Variants in PPP4R1 observed in about 807,000 individuals in gnomAD.
PPP4R1 encodes the protein serine/threonine-protein phosphatase 4 regulatory subunit 1.
In PPP4R1, 42 loss-of-function variants were observed where a neutral mutation model predicts 111.2. That is an observed-to-expected ratio of 0.38 (90% CI 0.29 to 0.49). The LOEUF (loss-of-function observed/expected upper bound fraction) is 0.49, where lower values mean the gene tolerates loss of function less well. Among genes scored for constraint, PPP4R1 ranks in the 20% least tolerant of loss-of-function variants. The pLI is 0.97. For synonymous variants in PPP4R1, 409 were observed against 405.5 expected, an observed-to-expected ratio of 1.01 and a Z score of -0.10; for missense variants, 1,012 against 1,161.6, an observed-to-expected ratio of 0.87 and a Z score of 1.87.
At chr18:9,605,610 GAATCA>G (rs1004977781) in intron 2 of PPP4R1, among the ~76,000 whole-genome samples, 2 of 120,768 alleles carry the variant, frequency 1.7e-5, no homozygotes, top group African/African-American at 6.2e-5. Context: ...AGAATAACCT[GAATCA>G]AATCATGAGG....
chr18:9,595,364 T>G (rs946821384), intron 2 of PPP4R1, among the ~76,000 whole-genome samples: 2 of 152,196 alleles, frequency 1.3e-5, no homozygotes, highest in Non-Finnish European at 2.9e-5. Flanking sequence ...AAGCACAAAG[T>G]TCTACTTGGC....
intron 4 of PPP4R1, among the ~76,000 whole-genome samples, chr18:9,591,890 A>G (rs2067217656): frequency 6.6e-6 from 1 of 152,164 alleles, no homozygotes; most frequent in South Asian, 2.1e-4. Context: ...AACATGGTGA[A>G]ACCCCTTCTC....
chr18:9,580,134 T>C (rs2067002567), intron 9 of PPP4R1, among the ~76,000 whole-genome samples: 1 of 152,176 alleles, frequency 6.6e-6, no homozygotes. Flanking sequence ...ATGTCAATTT[T>C]GTTTTGGGAA....
intron 2 of PPP4R1, among the ~76,000 whole-genome samples, chr18:9,601,527 AAAAT>A (rs1210614440): frequency 6.6e-6 from 1 of 152,046 alleles, no homozygotes; most frequent in Non-Finnish European, 1.5e-5. Flanking sequence ...CTCTGTCTCC[AAAAT>A]AAATAAATAA....
chr18:9,554,497 T>C (rs899157495), intron 15 of PPP4R1, among the ~76,000 whole-genome samples: 6 of 151,868 alleles, frequency 4.0e-5, no homozygotes, highest in African/African-American at 9.7e-5. Flanking sequence ...GAAAAAAATA[T>C]ATAAAGTGAA....
chr18:9,573,944 T>C (rs935857847), intron 10 of PPP4R1, among the ~76,000 whole-genome samples: 2 of 152,180 alleles, frequency 1.3e-5, no homozygotes, highest in African/African-American at 4.8e-5. Context: ...AGTACAGTAT[T>C]AAATTGTGGA....
chr18:9,549,580 A>T (rs191961188), intron 18 of PPP4R1, among the ~76,000 whole-genome samples: 11 of 152,242 alleles, frequency 7.2e-5, no homozygotes, highest in Admixed American at 5.2e-4. Context: ...TTTCATTTTC[A>T]CACCTGCGCT....
chr18:9,602,034 C>T (rs58359806), intron 2 of PPP4R1, among the ~76,000 whole-genome samples: 30,314 of 151,940 alleles, frequency 0.2, 3,338 homozygotes, highest in East Asian at 0.49. Context: ...TGACATTAAT[C>T]CTTGTTACCT....
chr18:9,559,679 A>G, intron 13 of PPP4R1, 75 bp from the exon 14 acceptor site: 1 of 1,151,494 alleles, frequency 8.7e-7, no homozygotes, highest in East Asian at 2.8e-5. Context: ...AAATTGGGCA[A>G]AATTATTTTT....
At chr18:9,570,716 AT>A (rs1352814297) in intron 10 of PPP4R1, 33 bp from the exon 11 acceptor site, 1 of 1,496,790 alleles carries the variant, frequency 6.7e-7, no homozygotes, top group Non-Finnish European at 8.9e-7. Context: ...GAAAAAAACA[AT>A]ATGAAAGGAT....
At chr18:9,596,664 C>T (rs2067294971) in intron 2 of PPP4R1, among the ~76,000 whole-genome samples, 1 of 152,106 alleles carries the variant, frequency 6.6e-6, no homozygotes, top group Non-Finnish European at 1.5e-5. Flanking sequence ...CCAAATGTTG[C>T]TATATGAGAG....
Position 9,608,607 on chromosome 18 carries a change from A to G in PPP4R1, c.52+5619T>C, listed in dbSNP as rs140319420. On this transcript the variant is annotated intron_variant, in intron 2 of 19. Transcript: ENST00000400556. Reference sequence around the variant, plus strand: ...TTCCAGACCCTCTTATAGAAATTAGAGGGAATACCTCCTCAGCCAAAATTC... The same window carrying G: ...TTCCAGACCCTCTTATAGAAATTAGGGGGAATACCTCCTCAGCCAAAATTC... Among the ~76,000 whole-genome samples the G allele has an allele frequency of 1.8e-3, 279 of 152,348 alleles. 1 individual carries two copies. The highest frequency in any genetic ancestry group is 6.3e-3 in the African/African-American group (262 of 41,586).
At chr18:9,595,907 AG>A (rs1489961322) in intron 2 of PPP4R1, among the ~76,000 whole-genome samples, 1 of 152,236 alleles carries the variant, frequency 6.6e-6, no homozygotes, top group African/African-American at 2.4e-5. Flanking sequence ...AAAGGAGTCA[AG>A]GAAGAACTGA....
At chr18:9,549,478 C>T (rs2066453879) in intron 18 of PPP4R1, 140 bp from the exon 19 acceptor site, 1 of 1,034,724 alleles carries the variant, frequency 9.7e-7, no homozygotes, top group Admixed American at 2.6e-5. Flanking sequence ...TACTTGGGAA[C>T]TCAAATCAAA....
rs2066949735 is a variant in PPP4R1, at chr18:9,577,173, G to C, written c.937C>G (p.Gln313Glu). 6.2e-7 allele frequency: 1 copy of C among 1,605,986 alleles called. No homozygotes were observed. Among genetic ancestry groups the C allele is most frequent in the South Asian group, 1.1e-5 (1 of 88,784 alleles). Residue 313 changes from glutamine to glutamate, a missense_variant, in exon 10 of 20, where the codon CAG (glutamine) becomes GAG (glutamate). Physicochemically the swap from Gln to Glu is conservative, Grantham distance 29. Transcript: ENST00000400556. Reference protein sequence around the residue: ...PSRWVRQAAFQSLGPFISTFA... With the variant: ...PSRWVRQAAFESLGPFISTFA... Reference sequence around the variant, plus strand: ...GTAGATATGAAAGGTCCCAGAGACTGAAAAGCTGCTTGGCGAACCTAGGAA... The same window carrying C: ...GTAGATATGAAAGGTCCCAGAGACTCAAAAGCTGCTTGGCGAACCTAGGAA...
chr18:9,548,882 C>T (rs934865060), intron 19 of PPP4R1, among the ~76,000 whole-genome samples: 7 of 152,242 alleles, frequency 4.6e-5, no homozygotes, highest in Non-Finnish European at 1.0e-4. Context: ...CGCACCATTG[C>T]ACTCCAGCCT....
At chr18:9,575,666 C>T (rs755250377) in intron 10 of PPP4R1, among the ~76,000 whole-genome samples, 18 of 152,132 alleles carry the variant, frequency 1.2e-4, no homozygotes, top group African/African-American at 2.7e-4. Flanking sequence ...CACCGGTAGG[C>T]GGCAAACATG....
intron 5 of PPP4R1, among the ~76,000 whole-genome samples, chr18:9,588,493 T>A (rs1232470786): frequency 1.3e-5 from 2 of 152,194 alleles, no homozygotes; most frequent in East Asian, 3.8e-4. Context: ...AAGGGACCGC[T>A]AGGAGGTTAC....
chr18:9,592,280 AG>A (rs942678815), intron 4 of PPP4R1, among the ~76,000 whole-genome samples: 8 of 152,318 alleles, frequency 5.3e-5, no homozygotes, highest in Middle Eastern at 3.4e-3. Flanking sequence ...GAAACTCAGC[AG>A]GTTAGTCTCA....
Sources: allele counts gnomAD v4.1 joint callset (sites outside exome capture counted in the v4.1 genomes callset), GRCh38; gene constraint gnomAD v4.1.1; transcripts MANE v1.5; gene names NCBI Gene and HGNC (gene_info 2026-07-23, HGNC 2026-07-21).